SCGB2B2: variants seen among roughly 807,000 people sequenced by gnomAD.
The protein encoded by SCGB2B2 is secretoglobin family 2B member 2, also known as secretoglobin-like protein.
In SCGB2B2, 11 loss-of-function variants were observed where a neutral mutation model predicts 7.6. That is an observed-to-expected ratio of 1.45 (90% confidence interval 0.91 to 2.40). The LOEUF is 2.40. Among genes scored for constraint, SCGB2B2 ranks in the 30% most tolerant of loss-of-function variants. SCGB2B2 has a pLI of 0.00. For synonymous variants in SCGB2B2, 50 were observed against 48.6 expected (o/e 1.03, Z -0.12); for missense variants, 104 against 115.4 (o/e 0.90, Z 0.45).
downstream of SCGB2B2, among the ~76,000 whole-genome samples, chr19:34,589,639 C>G (rs929161045): frequency 1.3e-5 from 2 of 152,128 alleles, no homozygotes; most frequent in African/African-American, 4.8e-5. Context: ...GTTCCCCACA[C>G]AGGCTCAGTG....
chr19:34,649,693 A>AC (rs2067114016), intron 1 of SCGB2B2, among the ~76,000 whole-genome samples: 1 of 152,026 alleles, frequency 6.6e-6, no homozygotes, highest in Admixed American at 6.5e-5. Context: ...CACTAAAAAT[A>AC]CCAAAAAAAT....
chr19:34,593,395 C>T lies in SCGB2B2; in HGVS notation c.*160G>A. Reference sequence around the variant, plus strand: ...ACACTGGGACCCTGGTCACACTCTGCATATGCGGTCACAGCCAACCCCACA... The same window carrying T: ...ACACTGGGACCCTGGTCACACTCTGTATATGCGGTCACAGCCAACCCCACA... On this transcript the variant is annotated 3_prime_UTR_variant, in exon 4 of 4. Coordinates refer to ENST00000601241, the MANE Select transcript of SCGB2B2 (RefSeq NM_001025591.4). 1 of 599,936 alleles carries T rather than the reference C, an allele frequency of 1.7e-6. No homozygotes were observed. The highest frequency in any genetic ancestry group is 3.0e-6 in the Non-Finnish European group (1 of 334,586). 37.2% of individuals were successfully genotyped at this position (599,936 alleles called of 1,614,324 possible).
At chr19:34,585,642 G>T in the SCGB2B2 span, among the ~76,000 whole-genome samples, 1 of 152,340 alleles carries the variant, frequency 6.6e-6, no homozygotes, top group Admixed American at 6.5e-5. Flanking sequence ...TTTCAAAGAT[G>T]CTTGGTGGGC....
At chr19:34,627,617 C>G (rs569487556) in intron 1 of SCGB2B2, among the ~76,000 whole-genome samples, 1 of 152,194 alleles carries the variant, frequency 6.6e-6, no homozygotes, top group African/African-American at 2.4e-5. Context: ...ATTCATAAAG[C>G]AAGTCCTTAG....
intron 1 of SCGB2B2, among the ~76,000 whole-genome samples, chr19:34,623,951 G>C (rs961049314): frequency 6.6e-6 from 1 of 152,198 alleles, no homozygotes; most frequent in Non-Finnish European, 1.5e-5. Flanking sequence ...TGAAAGTGGA[G>C]TTTTCCTGCC....
chr19:34,619,341 G>T (rs143283897), intron 1 of SCGB2B2, among the ~76,000 whole-genome samples: 6 of 152,276 alleles, frequency 3.9e-5, no homozygotes, highest in African/African-American at 1.4e-4. Flanking sequence ...TAAGTATAGA[G>T]ATCTTAAGAT....
chr19:34,607,387 A>G (rs564364968), intron 1 of SCGB2B2, among the ~76,000 whole-genome samples: 1 of 152,250 alleles, frequency 6.6e-6, no homozygotes, highest in Admixed American at 6.5e-5. Flanking sequence ...TTGTTTCCCT[A>G]TCTTGGTGAC....
chr19:34,676,713 G>A lies in SCGB2B2; in HGVS notation c.-3115C>T, dbSNP rs533707341. ...AGCACTGCTTCACGAAGATCATGCAGGTCAGTACTTAATAAGTACAAAAAA... is the reference window on the plus strand; with the variant it reads ...AGCACTGCTTCACGAAGATCATGCAAGTCAGTACTTAATAAGTACAAAAAA... On this transcript the variant is annotated 5_prime_UTR_variant, in exon 1 of 4. Transcript: ENST00000601241. 1 of 152,158 alleles carries A rather than the reference G, an allele frequency of 6.6e-6. No individual in the cohort carries two copies. The highest frequency in any genetic ancestry group is 1.9e-4 in the East Asian group (1 of 5,204). 9.4% of individuals were successfully genotyped at this position (152,158 alleles called of 1,614,324 possible). A position where few individuals can be genotyped will look rare whatever the true frequency, so the allele number is the denominator to read the frequency against.
At chr19:34,649,725 G>C (rs1352830246) in intron 1 of SCGB2B2, among the ~76,000 whole-genome samples, 2 of 151,868 alleles carry the variant, frequency 1.3e-5, no homozygotes, top group Non-Finnish European at 2.9e-5. Flanking sequence ...GTGGTGGCAG[G>C]TGCTTGTAAC....
chr19:34,605,938 A>G (rs960747065), intron 1 of SCGB2B2, among the ~76,000 whole-genome samples: 4 of 151,532 alleles, frequency 2.6e-5, no homozygotes, highest in Admixed American at 2.6e-4. Flanking sequence ...ATTAATATTC[A>G]TTTTTTCAGA....
intron 1 of SCGB2B2, among the ~76,000 whole-genome samples, chr19:34,643,055 C>T (rs760089939): frequency 5.9e-5 from 9 of 152,082 alleles, no homozygotes; most frequent in Non-Finnish European, 1.0e-4. Context: ...ATCCCAGTAC[C>T]GGTTATCTAT....
chr19:34,585,909 T>C (rs186240469), downstream of SCGB2B2, among the ~76,000 whole-genome samples: 446 of 152,344 alleles, frequency 2.9e-3, 1 homozygote, highest in Non-Finnish European at 4.1e-3. Flanking sequence ...TCCAGAATAA[T>C]TGGTGGCAAT....
At chr19:34,598,568 A>AAAACCATGGGGC (rs2065528739) in intron 1 of SCGB2B2, among the ~76,000 whole-genome samples, 2 of 151,946 alleles carry the variant, frequency 1.3e-5, no homozygotes, top group Non-Finnish European at 2.9e-5. Flanking sequence ...ACCCAGGGGG[A>AAAACCATGGGGC]AAACCATGGG....
rs140236496 is a variant in SCGB2B2 at position 34,650,878 on chromosome 19, A to G, written c.-2032+24752T>C. Among the ~76,000 whole-genome samples, 80 of 151,496 alleles carry G rather than the reference A, an allele frequency of 5.3e-4. 2 individuals carry two copies. The East Asian group carries it at 0.014, about 26-fold the overall frequency. On this transcript the variant is annotated intron_variant, in intron 1 of 3. Transcript: ENST00000601241. ...CACAAAATACTAGCCAACCAAATTC[A>G]GCAGTACATTAAAGTAATCATTCCC...
intron 1 of SCGB2B2, among the ~76,000 whole-genome samples, chr19:34,606,360 G>C (rs1268487396): frequency 6.6e-6 from 1 of 152,090 alleles, no homozygotes; most frequent in Non-Finnish European, 1.5e-5. Flanking sequence ...CATCTTGCAT[G>C]ATTTCATTTA....
chr19:34,653,579 T>A (rs993096537), intron 1 of SCGB2B2, among the ~76,000 whole-genome samples: 2 of 151,064 alleles, frequency 1.3e-5, no homozygotes, highest in East Asian at 3.8e-4. Context: ...AATAACATAG[T>A]AGAAAACCAA....
intron 1 of SCGB2B2, among the ~76,000 whole-genome samples, chr19:34,597,183 G>A (rs1454566020): frequency 1.3e-5 from 2 of 152,148 alleles, no homozygotes; most frequent in Non-Finnish European, 2.9e-5. Flanking sequence ...GTCCTCAAGT[G>A]CCATGAGAGG....
At chr19:34,642,984 A>C (rs913238501) in intron 1 of SCGB2B2, among the ~76,000 whole-genome samples, 1 of 152,202 alleles carries the variant, frequency 6.6e-6, no homozygotes, top group African/African-American at 2.4e-5. Flanking sequence ...CACAGTCACT[A>C]TGGAAAACAG....
rs749993823 is a variant in SCGB2B2 at position 34,634,133 on chromosome 19, T to C, written c.-2031-37539A>G. On this transcript the variant is annotated intron_variant, in intron 1 of 3. Coordinates refer to ENST00000601241, the MANE Select transcript of SCGB2B2 (RefSeq NM_001025591.4). ...TAAATCTGGAAGTCCTGAAAATATC[T>C]GTGTACCCTCATGCCTCACAGCTAT... 5.3e-5 allele frequency among the ~76,000 whole-genome samples: 8 copies of C among 152,222 alleles called. No individual in the cohort carries two copies. The East Asian group carries it at 1.2e-3, about 22-fold the overall frequency.
Sources: gnomAD v4.1 joint callset for allele counts (sites outside exome capture counted in the v4.1 genomes callset) on GRCh38, gnomAD v4.1.1 for gene constraint, MANE v1.5 for transcripts, NCBI Gene and HGNC (gene_info 2026-07-23, HGNC 2026-07-21) for gene names.